TBC1D22A: variants seen among roughly 807,000 people sequenced by gnomAD.
TBC1D22A encodes TBC1 domain family member 22A, also known as putative GTPase activator.
Under a neutral mutation model 60.2 loss-of-function variants are expected in TBC1D22A, and 38 were observed. The observed-to-expected ratio is 0.63, with a 90% confidence interval of 0.49 to 0.83. The LOEUF (loss-of-function observed/expected upper bound fraction) is 0.83. Among genes scored for constraint, TBC1D22A ranks in the 40% least tolerant of loss-of-function variants. The probability of loss-of-function intolerance (pLI) is 0.00; values close to 1 mark genes in which losing one functional copy is unlikely to be tolerated. For synonymous variants in TBC1D22A, 302 were observed against 281.7 expected, an observed-to-expected ratio of 1.07 and a Z score of -0.72; for missense variants, 628 against 701.0, an observed-to-expected ratio of 0.90 and a Z score of 1.18.
intron 8 of TBC1D22A, among the ~76,000 whole-genome samples, chr22:46,917,696 G>A (rs912486211): frequency 6.6e-6 from 1 of 152,104 alleles, no homozygotes; most frequent in Non-Finnish European, 1.5e-5. Flanking sequence ...GGAAATTGTC[G>A]GCCTGGAAAT....
intron 11 of TBC1D22A, among the ~76,000 whole-genome samples, chr22:47,089,633 GAGGTGACA>G (rs1193433915): frequency 3.9e-5 from 6 of 152,220 alleles, no homozygotes; most frequent in Non-Finnish European, 8.8e-5. Context: ...TGGGAAGCTG[GAGGTGACA>G]AGGGGACAGT....
intron 12 of TBC1D22A, among the ~76,000 whole-genome samples, chr22:47,153,250 T>TG (rs1450514572): frequency 6.6e-6 from 1 of 152,222 alleles, no homozygotes; most frequent in East Asian, 1.9e-4. Flanking sequence ...TGCTTCCAAA[T>TG]GCAGCTCACG....
chr22:46,778,700 TTTTGTTTTTTAAACAAGCAGAAGG>T (rs1289916498), intron 1 of TBC1D22A, among the ~76,000 whole-genome samples: 3 of 152,140 alleles, frequency 2.0e-5, no homozygotes, highest in Admixed American at 1.3e-4. Context: ...TTTTATTGTA[TTTTGTTTTTTAAACAAGCAGAAGG>T]AACATAACTC....
intron 11 of TBC1D22A, among the ~76,000 whole-genome samples, chr22:47,059,023 C>A (rs944921783): frequency 3.3e-5 from 5 of 152,172 alleles, no homozygotes; most frequent in Admixed American, 6.5e-5. Context: ...CTCTACACGT[C>A]CCCTGTCATC....
rs549609286 is a variant in TBC1D22A, at chr22:47,076,237, C to T, written c.1330-35271C>T. On this transcript the variant is annotated intron_variant, in intron 11 of 12. Transcript: ENST00000337137. Reference sequence around the variant, plus strand: ...GTCTGCACCGGAAAACAGAGAATAACGTGAAGCATTTGTAAAAATTGAGCA... The same window carrying T: ...GTCTGCACCGGAAAACAGAGAATAATGTGAAGCATTTGTAAAAATTGAGCA... Among the ~76,000 whole-genome samples the T allele has an allele frequency of 5.9e-5, 9 of 151,688 alleles. No individual in the cohort carries two copies. The East Asian group carries it at 7.8e-4, about 13-fold the overall frequency.
chr22:46,776,445 G>A (rs1315636327), intron 1 of TBC1D22A, among the ~76,000 whole-genome samples: 2 of 152,206 alleles, frequency 1.3e-5, no homozygotes, highest in South Asian at 2.1e-4. Context: ...CTGCGGCTGC[G>A]TGGTGGGATG....
intron 8 of TBC1D22A, chr22:46,913,683 C>G (rs1209348775): frequency 1.0e-6 from 1 of 985,366 alleles, no homozygotes. Context: ...CAGTAGACTT[C>G]AGAGTTGTTA....
chr22:46,924,190 T>G (rs986686187), intron 8 of TBC1D22A, among the ~76,000 whole-genome samples: 1 of 152,230 alleles, frequency 6.6e-6, no homozygotes, highest in African/African-American at 2.4e-5. Context: ...CAGTCTTGAC[T>G]GAGTCCTTTG....
intron 11 of TBC1D22A, 117 bp from the exon 12 acceptor site, chr22:47,111,391 A>G (rs1270462656): frequency 1.9e-5 from 16 of 841,048 alleles, no homozygotes; most frequent in Non-Finnish European, 2.7e-5. Flanking sequence ...AGTCAACACA[A>G]GCTTTGGTTT....
intron 5 of TBC1D22A, among the ~76,000 whole-genome samples, chr22:46,884,900 C>A (rs559218840): frequency 6.6e-6 from 1 of 152,126 alleles, no homozygotes; most frequent in East Asian, 1.9e-4. Context: ...TGACGAGTCT[C>A]GGCCTCTTGG....
chr22:46,945,346 G>T (rs2072467381), intron 8 of TBC1D22A, among the ~76,000 whole-genome samples: 2 of 152,232 alleles, frequency 1.3e-5, no homozygotes, highest in South Asian at 4.1e-4. Context: ...AGGCCTGTTT[G>T]ACCGTTGTGG....
intron 4 of TBC1D22A, among the ~76,000 whole-genome samples, chr22:46,850,880 G>C (rs2087242959): frequency 6.6e-6 from 1 of 152,148 alleles, no homozygotes; most frequent in South Asian, 2.1e-4. Flanking sequence ...GGAATAAATG[G>C]ATGAACCTTG....
intron 8 of TBC1D22A, among the ~76,000 whole-genome samples, chr22:46,937,582 TA>T (rs142709274): frequency 0.088 from 13,328 of 151,616 alleles, 652 homozygotes; most frequent in Non-Finnish European, 0.1. Context: ...GTAATACTTC[TA>T]AAAAAAAAGT....
intron 11 of TBC1D22A, among the ~76,000 whole-genome samples, chr22:47,085,352 T>G (rs1603250665): frequency 6.6e-6 from 1 of 152,184 alleles, no homozygotes; most frequent in African/African-American, 2.4e-5. Context: ...CAGTTTTTGG[T>G]TGATCATGAA....
intron 12 of TBC1D22A, among the ~76,000 whole-genome samples, chr22:47,140,294 G>A (rs774764356): frequency 3.9e-5 from 6 of 152,056 alleles, no homozygotes; most frequent in Admixed American, 6.5e-5. Context: ...ACTGTGGGCC[G>A]GGCGTGGTGG....
intron 8 of TBC1D22A, among the ~76,000 whole-genome samples, chr22:46,965,529 G>T (rs1421903888): frequency 1.3e-5 from 2 of 152,262 alleles, no homozygotes; most frequent in African/African-American, 4.8e-5. Flanking sequence ...GTCATCTCCG[G>T]AGCAGCAAAT....
rs965713010 is a variant in TBC1D22A at position 47,161,215 on chromosome 22, GA to G, written c.1426-12273del. 1.3e-4 allele frequency among the ~76,000 whole-genome samples: 19 copies of G among 149,216 alleles called. No individual in the cohort carries two copies. The East Asian group carries it at 2.3e-3, about 18-fold the overall frequency. On this transcript the variant is annotated intron_variant, in intron 12 of 12. Transcript: ENST00000337137. ...TCATGTTTTCAATACATGCCCTTGT[GA>G]AAAAAAAAATGGAAAACAGAAATTG...
intron 10 of TBC1D22A, among the ~76,000 whole-genome samples, chr22:47,023,314 C>G (rs9626930): frequency 6.6e-6 from 1 of 152,068 alleles, no homozygotes; most frequent in Non-Finnish European, 1.5e-5. Flanking sequence ...GCAATAGAAA[C>G]TATTCAAAAT....
chr22:47,056,126 CG>C (rs2063385925), intron 11 of TBC1D22A, among the ~76,000 whole-genome samples: 1 of 152,036 alleles, frequency 6.6e-6, no homozygotes, highest in Admixed American at 6.5e-5. Context: ...GGTCGGGTAA[CG>C]GTGGCCCAAA....
Sources: gnomAD v4.1 joint callset for allele counts (sites outside exome capture counted in the v4.1 genomes callset) on GRCh38, gnomAD v4.1.1 for gene constraint, MANE v1.5 for transcripts, NCBI Gene and HGNC (gene_info 2026-07-23, HGNC 2026-07-21) for gene names.